The following ELMO1 variants were observed in gnomAD, a reference collection of about 807,000 sequenced individuals.
ELMO1 encodes the protein engulfment and cell motility 1, also known as engulfment and cell motility protein 1.
Under a neutral mutation model 98.9 loss-of-function variants are expected in ELMO1, and 26 were observed. That is an observed-to-expected ratio of 0.26 (90% CI 0.19 to 0.36). The LOEUF is 0.36. Ranked by LOEUF, ELMO1 falls within the 10% of genes least tolerant of loss-of-function variation. The pLI, the probability that ELMO1 is intolerant of heterozygous loss-of-function variation, is 1.00. For missense variants in ELMO1, 627 were observed against 935.2 expected (o/e 0.67, Z 4.30); for synonymous variants, 346 against 346.0 (o/e 1.00, Z 0.00).
intron 13 of ELMO1, among the ~76,000 whole-genome samples, chr7:37,188,513 T>TAATAAG (rs1791382774): frequency 8.2e-6 from 1 of 122,384 alleles, no homozygotes; most frequent in Admixed American, 8.0e-5. Flanking sequence ...ATAATAATAA[T>TAATAAG]AATAATAATA....
At chr7:37,286,105 C>CTGGGAAAA (rs1797381138) in intron 4 of ELMO1, among the ~76,000 whole-genome samples, 1 of 151,970 alleles carries the variant, frequency 6.6e-6, no homozygotes, top group Admixed American at 6.6e-5. Flanking sequence ...ACTGAAGATG[C>CTGGGAAAA]TACTACAGCT....
intron 8 of ELMO1, 26 bp from the exon 9 acceptor site, chr7:37,225,056 G>C: frequency 6.2e-7 from 1 of 1,613,742 alleles, no homozygotes; most frequent in Non-Finnish European, 8.5e-7. Flanking sequence ...GGACACAATT[G>C]ACTGCTCGTG....
intron 16 of ELMO1, among the ~76,000 whole-genome samples, chr7:37,003,862 G>C (rs941767991): frequency 6.6e-6 from 1 of 152,074 alleles, no homozygotes; most frequent in African/African-American, 2.4e-5. Flanking sequence ...CACTCTGACT[G>C]CTTGGTTTAT....
intron 15 of ELMO1, among the ~76,000 whole-genome samples, chr7:37,078,473 C>T (rs1404643730): frequency 6.6e-6 from 1 of 152,160 alleles, no homozygotes; most frequent in African/African-American, 2.4e-5. Flanking sequence ...CACCCCAAAT[C>T]CCACCATCTC....
intron 10 of ELMO1, among the ~76,000 whole-genome samples, chr7:37,217,242 G>A (rs1793339502): frequency 6.6e-6 from 1 of 152,218 alleles, no homozygotes; most frequent in African/African-American, 2.4e-5. Context: ...CACTCACTGA[G>A]CTCTGCAAGG....
intron 1 of ELMO1, among the ~76,000 whole-genome samples, chr7:37,375,171 G>A (rs1802283966): frequency 6.6e-6 from 1 of 152,168 alleles, no homozygotes; most frequent in Non-Finnish European, 1.5e-5. Flanking sequence ...GCAACACAGT[G>A]TTCAAGAGAA....
chr7:37,184,408 G>C (rs1791069741), intron 13 of ELMO1, among the ~76,000 whole-genome samples: 1 of 152,126 alleles, frequency 6.6e-6, no homozygotes, highest in South Asian at 2.1e-4. Flanking sequence ...ACCCTCTCTG[G>C]CTACCTTTGT....
intron 5 of ELMO1, among the ~76,000 whole-genome samples, chr7:37,260,127 T>C (rs999038431): frequency 7.2e-5 from 11 of 152,338 alleles, no homozygotes; most frequent in African/African-American, 2.4e-4. Flanking sequence ...TTTTCATATC[T>C]ACCTTTCACT....
chr7:37,408,682 T>C (rs1049995498), intron 1 of ELMO1, among the ~76,000 whole-genome samples: 4 of 152,206 alleles, frequency 2.6e-5, no homozygotes, highest in African/African-American at 9.7e-5. Flanking sequence ...GCTGCATGGT[T>C]ATACTTCTAG....
intron 18 of ELMO1, among the ~76,000 whole-genome samples, chr7:36,878,419 A>G (rs936308261): frequency 2.6e-5 from 4 of 152,180 alleles, no homozygotes; most frequent in Non-Finnish European, 2.9e-5. Flanking sequence ...CACTAATGAT[A>G]ACCACCATGG....
intron 13 of ELMO1, among the ~76,000 whole-genome samples, chr7:37,138,854 C>T (rs896454653): frequency 3.3e-5 from 5 of 152,138 alleles, no homozygotes; most frequent in Admixed American, 1.3e-4. Context: ...AATCCAACAG[C>T]GTATCAAAAA....
chr7:37,004,613 C>G (rs1792915267), intron 16 of ELMO1, among the ~76,000 whole-genome samples: 1 of 152,216 alleles, frequency 6.6e-6, no homozygotes, highest in South Asian at 2.1e-4. Context: ...CATGCAAAAT[C>G]TTGAACACAA....
chr7:36,892,712 T>C (rs905734936), intron 17 of ELMO1, among the ~76,000 whole-genome samples: 1 of 152,144 alleles, frequency 6.6e-6, no homozygotes, highest in Admixed American at 6.6e-5. Context: ...AGGCAAAACA[T>C]ATCGCAGCTA....
At chr7:37,247,063 GTAAAA>G (rs1240123284) in intron 6 of ELMO1, among the ~76,000 whole-genome samples, 4 of 151,940 alleles carry the variant, frequency 2.6e-5, no homozygotes. Flanking sequence ...TATCATATGA[GTAAAA>G]TAAATTATTT....
intron 15 of ELMO1, among the ~76,000 whole-genome samples, chr7:37,056,766 A>G (rs1796410190): frequency 6.6e-6 from 1 of 152,156 alleles, no homozygotes; most frequent in African/African-American, 2.4e-5. Flanking sequence ...GGAGAAATAC[A>G]ATGACATACT....
At chr7:36,868,629 C>T (rs1233924572) in intron 20 of ELMO1, among the ~76,000 whole-genome samples, 5 of 152,078 alleles carry the variant, frequency 3.3e-5, no homozygotes, top group Admixed American at 6.6e-5. Flanking sequence ...ATTACAGGCG[C>T]GAGCCACCAC....
At chr7:37,302,558 CTT>C (rs1486490167) in intron 4 of ELMO1, among the ~76,000 whole-genome samples, 2 of 152,056 alleles carry the variant, frequency 1.3e-5, no homozygotes, top group East Asian at 3.9e-4. Flanking sequence ...TGAGCCCAGT[CTT>C]TGAGGCATCC....
At chr7:37,068,411 T>C (rs1797096249) in intron 15 of ELMO1, among the ~76,000 whole-genome samples, 1 of 152,202 alleles carries the variant, frequency 6.6e-6, no homozygotes. Context: ...GAGGTCACAG[T>C]TGACAGTGGC....
At chr7:37,192,562 G>A (rs1247031320) in intron 13 of ELMO1, among the ~76,000 whole-genome samples, 1 of 150,736 alleles carries the variant, frequency 6.6e-6, no homozygotes. Context: ...AATTTGGGAG[G>A]CCAAGGCAGG....
Sources: allele counts gnomAD v4.1 joint callset (sites outside exome capture counted in the v4.1 genomes callset), GRCh38; gene constraint gnomAD v4.1.1; transcripts MANE v1.5; gene names NCBI Gene and HGNC (gene_info 2026-07-23, HGNC 2026-07-21).